NCKAP1: variants seen among roughly 807,000 people sequenced by gnomAD.
NCKAP1 encodes the protein NCK associated protein 1, also known as nck-associated protein 1.
Under a neutral mutation model 151.2 loss-of-function variants are expected in NCKAP1, and 21 were observed. The ratio of observed to expected loss-of-function variants is 0.14; its 90% CI spans 0.10 to 0.20. The LOEUF (loss-of-function observed/expected upper bound fraction) is 0.20. NCKAP1 is among the 10% of genes least tolerant of loss of function. NCKAP1 has a pLI of 1.00. For synonymous variants in NCKAP1, 484 were observed against 451.8 expected (o/e 1.07, Z -0.90); for missense variants, 933 against 1,352.1 (o/e 0.69, Z 4.86).
At chr2:183,027,672 T>C (rs1007956824) in intron 1 of NCKAP1, among the ~76,000 whole-genome samples, 11 of 152,026 alleles carry the variant, frequency 7.2e-5, no homozygotes, top group Admixed American at 2.6e-4. Context: ...CTGGGCAACA[T>C]AGCAAGATCC....
chr2:183,032,292 TGTTTAGAAAATAAGTGAA>T (rs1699019387), intron 1 of NCKAP1, among the ~76,000 whole-genome samples: 1 of 152,130 alleles, frequency 6.6e-6, no homozygotes, highest in South Asian at 2.1e-4. Flanking sequence ...GTACGGAAAA[TGTTTAGAAAATAAGTGAA>T]GTTTAGAGGT....
intron 29 of NCKAP1, 118 bp downstream of exon 29, chr2:182,927,999 C>A: frequency 1.6e-6 from 1 of 621,408 alleles, no homozygotes; most frequent in East Asian, 2.9e-5. Context: ...AACAAAATGC[C>A]ATTAGAGGAC....
chr2:182,996,187 A>C, intron 6 of NCKAP1, among the ~76,000 whole-genome samples: 1 of 152,236 alleles, frequency 6.6e-6, no homozygotes, highest in East Asian at 1.9e-4. Flanking sequence ...CCATTCTGAT[A>C]GTTTCTGATA....
chr2:182,962,363 T>G (rs1697472804), intron 17 of NCKAP1, 85 bp from the exon 18 acceptor site: 5 of 1,329,238 alleles, frequency 3.8e-6, no homozygotes, highest in Non-Finnish European at 5.1e-6. Flanking sequence ...CATGGAAAAT[T>G]AGGCTAAAGG....
chr2:183,030,917 T>TA (rs1314484797), intron 1 of NCKAP1, among the ~76,000 whole-genome samples: 2 of 152,220 alleles, frequency 1.3e-5, no homozygotes, highest in African/African-American at 4.8e-5. Flanking sequence ...CCTCCTGTGT[T>TA]ATGATGTATA....
chr2:182,938,729 G>A (rs1345345318), intron 24 of NCKAP1, among the ~76,000 whole-genome samples: 1 of 152,180 alleles, frequency 6.6e-6, no homozygotes, highest in East Asian at 1.9e-4. Flanking sequence ...TTGTGGGAAT[G>A]AATGTAGCAA....
chr2:182,943,852 A>C (rs893781271), intron 23 of NCKAP1, among the ~76,000 whole-genome samples: 11 of 152,200 alleles, frequency 7.2e-5, no homozygotes, highest in African/African-American at 2.4e-4. Context: ...TAACTTGCCC[A>C]AAGTTACAGT....
At chr2:182,962,024 T>C in intron 18 of NCKAP1, 135 bp downstream of exon 18, 1 of 844,280 alleles carries the variant, frequency 1.2e-6, no homozygotes, top group Non-Finnish European at 1.8e-6. Flanking sequence ...GTTAATGGAG[T>C]TTCACAGCAG....
chr2:182,980,837 G>T (rs1364700344), intron 13 of NCKAP1, among the ~76,000 whole-genome samples: 2 of 151,984 alleles, frequency 1.3e-5, no homozygotes, highest in East Asian at 1.9e-4. Flanking sequence ...CTAGCCTACT[G>T]CAGTCATTTT....
intron 1 of NCKAP1, among the ~76,000 whole-genome samples, chr2:183,025,656 T>C (rs1053601026): frequency 1.3e-5 from 2 of 152,168 alleles, no homozygotes; most frequent in East Asian, 1.9e-4. Context: ...TATCCAACTT[T>C]CTTTGAGTAG....
Position 182,910,570 on chromosome 2 carries a change from T to C in NCKAP1, c.*15132A>G, listed in dbSNP as rs1230235973. 1.3e-5 allele frequency: 2 copies of C among 152,224 alleles called. No homozygotes were observed. The highest frequency in any genetic ancestry group is 2.9e-5 in the Non-Finnish European group (2 of 68,066). The allele number at this position is 152,224 out of a possible 1,614,324, so 9.4% of individuals were successfully genotyped here. On this transcript the variant is annotated 3_prime_UTR_variant, in exon 31 of 31. Coordinates refer to ENST00000361354, the MANE Select transcript of NCKAP1 (RefSeq NM_013436.5). The stretch of plus-strand genomic sequence containing the variant: ...AGGAGAGCCTCAGACCATTCAGGAT[T>C]CAGAACCTAGATAGATGATGCTGTG...
At chr2:182,944,286 TTA>T (rs1027907348) in intron 23 of NCKAP1, among the ~76,000 whole-genome samples, 26 of 152,218 alleles carry the variant, frequency 1.7e-4, no homozygotes, top group South Asian at 4.1e-4. Flanking sequence ...AAGATTTTTT[TTA>T]AAAAAAAGTT....
chr2:182,962,924 A>C (rs1174368705), intron 17 of NCKAP1, among the ~76,000 whole-genome samples: 1 of 151,864 alleles, frequency 6.6e-6, no homozygotes, highest in South Asian at 2.1e-4. Flanking sequence ...TATCTATGGT[A>C]ACTGGAATGT....
intron 16 of NCKAP1, among the ~76,000 whole-genome samples, chr2:182,966,411 C>CAAG (rs1213081047): frequency 2.0e-5 from 3 of 151,922 alleles, no homozygotes; most frequent in African/African-American, 4.8e-5. Flanking sequence ...TCAAGCCTCC[C>CAAG]AAGTAGCTGG....
Position 182,930,804 on chromosome 2 carries a change from G to C in NCKAP1, c.2860-16C>G. Reference sequence around the variant, plus strand: ...TCATTGCAACCTGATAAAAACAAAAGAATTACAGAGCAATAAATAGTCTAA... The same window carrying C: ...TCATTGCAACCTGATAAAAACAAAACAATTACAGAGCAATAAATAGTCTAA... On this transcript the variant is annotated splice_polypyrimidine_tract_variant and intron_variant, in intron 26 of 30. Coordinates refer to ENST00000361354, the MANE Select transcript of NCKAP1 (RefSeq NM_013436.5). The C allele has an allele frequency of 1.3e-6, 2 of 1,593,726 alleles. No homozygotes were observed. Among genetic ancestry groups the C allele is most frequent in the Non-Finnish European group, 1.7e-6 (2 of 1,162,190 alleles).
chr2:183,009,735 T>A (rs1358950154), intron 2 of NCKAP1, among the ~76,000 whole-genome samples: 1 of 152,192 alleles, frequency 6.6e-6, no homozygotes, highest in African/African-American at 2.4e-5. Context: ...CATCTCCAGA[T>A]GGTTTTCATC....
At chr2:182,998,551 C>T (rs367617409) in intron 6 of NCKAP1, among the ~76,000 whole-genome samples, 9 of 151,980 alleles carry the variant, frequency 5.9e-5, no homozygotes, top group East Asian at 1.9e-4. Flanking sequence ...AAATCCTGGC[C>T]GGGCACGGTG....
intron 2 of NCKAP1, among the ~76,000 whole-genome samples, chr2:183,015,122 G>T (rs1698659388): frequency 6.6e-6 from 1 of 152,116 alleles, no homozygotes; most frequent in Non-Finnish European, 1.5e-5. Flanking sequence ...AGTTGAAGAG[G>T]TTATGAATAT....
In NCKAP1 at chr2:182,914,914, T is replaced by C. The variant is rs958225967; in HGVS notation, c.*10788A>G. 1.3e-5 allele frequency: 2 copies of C among 152,294 alleles called. No homozygotes were observed. Among genetic ancestry groups the C allele is most frequent in the East Asian group, 3.9e-4 (2 of 5,178 alleles). 9.4% of individuals were successfully genotyped at this position (152,294 alleles called of 1,614,324 possible). ...GACTACCTTTTCCATCCCTTCCCTT[T>C]AAAGAAATCAGATTTTGTAAACAGT... On this transcript the variant is annotated 3_prime_UTR_variant, in exon 31 of 31. Coordinates refer to ENST00000361354, the MANE Select transcript of NCKAP1 (RefSeq NM_013436.5).
Sources: gnomAD v4.1 joint callset for allele counts (sites outside exome capture counted in the v4.1 genomes callset) on GRCh38, gnomAD v4.1.1 for gene constraint, MANE v1.5 for transcripts, NCBI Gene and HGNC (gene_info 2026-07-23, HGNC 2026-07-21) for gene names.